The following FGD4 variants were observed in gnomAD, a reference collection of about 807,000 sequenced individuals.
The protein encoded by FGD4 is FYVE, RhoGEF and PH domain-containing protein 4.
FGD4 carries 42 observed loss-of-function variants against 102.0 expected under a neutral mutation model. The ratio of observed to expected loss-of-function variants is 0.41; its 90% CI spans 0.32 to 0.53. FGD4 has a LOEUF of 0.53. Ranked by LOEUF, FGD4 falls within the 20% of genes least tolerant of loss-of-function variation. The pLI is 0.21. For synonymous variants in FGD4, 380 were observed against 375.7 expected (o/e 1.01, Z -0.13); for missense variants, 902 against 1,078.2 (o/e 0.84, Z 2.29).
intron 14 of FGD4, among the ~76,000 whole-genome samples, chr12:32,632,764 C>T (rs1447214498): frequency 2.0e-5 from 3 of 147,086 alleles, no homozygotes; most frequent in Non-Finnish European, 4.5e-5. Flanking sequence ...CTGGAGTGCA[C>T]TAGCACTCCA....
intron 1 of FGD4, among the ~76,000 whole-genome samples, chr12:32,510,085 A>G (rs1295555230): frequency 1.3e-5 from 2 of 152,184 alleles, no homozygotes; most frequent in Non-Finnish European, 2.9e-5. Context: ...CTACATTATC[A>G]ATAGCTTTAA....
At chr12:32,603,877 A>AT (rs1470146829) in intron 7 of FGD4, among the ~76,000 whole-genome samples, 2 of 151,422 alleles carry the variant, frequency 1.3e-5, no homozygotes, top group East Asian at 2.0e-4. Context: ...AAATCTTAGA[A>AT]TTTTTTTATA....
chr12:32,507,086 C>G (rs1224369018), intron 1 of FGD4, among the ~76,000 whole-genome samples: 12 of 121,416 alleles, frequency 9.9e-5, no homozygotes, highest in African/African-American at 3.1e-4. Context: ...CCCCTCCCCC[C>G]ACCCCACAAC....
chr12:32,477,573 A>C (rs1184389525), intron 1 of FGD4: 1 of 152,246 alleles, frequency 6.6e-6, no homozygotes, highest in Non-Finnish European at 1.5e-5. Flanking sequence ...GGTTGTGTCA[A>C]AGTTTGTGTG....
intron 7 of FGD4, among the ~76,000 whole-genome samples, chr12:32,603,542 C>T (rs143306416): frequency 6.6e-6 from 1 of 151,908 alleles, no homozygotes; most frequent in African/African-American, 2.4e-5. Flanking sequence ...CCTGCCACCA[C>T]GCCTGGCTAA....
At chr12:32,523,681 T>C (rs1940783135) in intron 1 of FGD4, among the ~76,000 whole-genome samples, 2 of 152,234 alleles carry the variant, frequency 1.3e-5, no homozygotes, top group African/African-American at 4.8e-5. Context: ...ATTCAGAAAA[T>C]ACATAGCTCT....
At chr12:32,471,743 G>A (rs1384623904) in intron 1 of FGD4, among the ~76,000 whole-genome samples, 5 of 152,102 alleles carry the variant, frequency 3.3e-5, no homozygotes, top group Non-Finnish European at 5.9e-5. Context: ...GCTGGGACCC[G>A]GTGGCTGCTT....
intron 1 of FGD4, among the ~76,000 whole-genome samples, chr12:32,477,961 A>G (rs977684131): frequency 7.2e-5 from 11 of 152,224 alleles, no homozygotes; most frequent in Non-Finnish European, 4.4e-5. Flanking sequence ...TTGCTCAGAC[A>G]GGATAGTAAA....
intron 1 of FGD4, among the ~76,000 whole-genome samples, chr12:32,418,035 C>A (rs1433099404): frequency 6.8e-6 from 1 of 147,416 alleles, no homozygotes; most frequent in Non-Finnish European, 1.5e-5. Flanking sequence ...CGGCTCATTG[C>A]AAGCTCCACC....
intron 1 of FGD4, among the ~76,000 whole-genome samples, chr12:32,545,173 C>T (rs1592168359): frequency 6.6e-6 from 1 of 152,260 alleles, no homozygotes; most frequent in South Asian, 2.1e-4. Flanking sequence ...CTGACACAAT[C>T]GCATGGTAGG....
chr12:32,531,387 A>AACC lies in FGD4; in HGVS notation c.167-32738_167-32736dup, dbSNP rs544097249. Among the ~76,000 whole-genome samples the AACC allele has an allele frequency of 9.8e-5, 15 of 152,300 alleles. No homozygotes were observed. The South Asian group carries it at 2.9e-3, about 29-fold the overall frequency. ...TTTTGACAAATGCACGCAGTCATAT[A>AACC]ACCACCACCACCACAATGAAGATAC... On this transcript the variant is annotated intron_variant, in intron 1 of 16. Transcript: ENST00000534526.
chr12:32,414,283 T>C (rs1431507070), intron 1 of FGD4, among the ~76,000 whole-genome samples: 1 of 152,096 alleles, frequency 6.6e-6, no homozygotes, highest in Non-Finnish European at 1.5e-5. Context: ...ACTTCTTTTT[T>C]TTTTAAAAAA....
intron 1 of FGD4, among the ~76,000 whole-genome samples, chr12:32,453,220 AATATAGATATATATATATTTTT>A (rs1942849309): frequency 3.8e-5 from 2 of 52,788 alleles, no homozygotes; most frequent in East Asian, 1.0e-3. Flanking sequence ...ATATATATAT[AATATAGATATATATATATTTTT>A]TTTTTTTTAA....
chr12:32,529,284 G>A (rs921368827), intron 1 of FGD4, among the ~76,000 whole-genome samples: 2 of 151,748 alleles, frequency 1.3e-5, no homozygotes, highest in African/African-American at 2.4e-5. Flanking sequence ...GCACCACCAC[G>A]CCCAGTTAAT....
chr12:32,462,843 T>C (rs1943144331), intron 1 of FGD4, among the ~76,000 whole-genome samples: 1 of 152,214 alleles, frequency 6.6e-6, no homozygotes, highest in Non-Finnish European at 1.5e-5. Flanking sequence ...ACTTGTGCCA[T>C]TGCCGTAATA....
chr12:32,620,926 G>A (rs866603143), intron 11 of FGD4, among the ~76,000 whole-genome samples: 3 of 150,494 alleles, frequency 2.0e-5, no homozygotes, highest in South Asian at 4.2e-4. Context: ...GCCTCTCAAA[G>A]TGCTGGGATT....
chr12:32,635,033 TTACATTGTGTAAGCGTACAAG>T (rs1426633182), intron 15 of FGD4, among the ~76,000 whole-genome samples: 1 of 152,182 alleles, frequency 6.6e-6, no homozygotes, highest in East Asian at 1.9e-4. Context: ...TATTGAGCAT[TTACATTGTGTAAGCGTACAAG>T]TATACCTGTA....
intron 2 of FGD4, among the ~76,000 whole-genome samples, chr12:32,571,599 A>G (rs1945668719): frequency 6.6e-6 from 1 of 152,250 alleles, no homozygotes; most frequent in Admixed American, 6.5e-5. Flanking sequence ...GTAAAATATT[A>G]TAAAACAAAA....
intron 1 of FGD4, among the ~76,000 whole-genome samples, chr12:32,439,391 G>A (rs753494365): frequency 6.6e-6 from 1 of 152,132 alleles, no homozygotes; most frequent in Admixed American, 6.6e-5. Context: ...CCATATCTTG[G>A]CTATTGTGAA....
Sources: gnomAD v4.1 joint callset for allele counts (sites outside exome capture counted in the v4.1 genomes callset) on GRCh38, gnomAD v4.1.1 for gene constraint, MANE v1.5 for transcripts, NCBI Gene and HGNC (gene_info 2026-07-23, HGNC 2026-07-21) for gene names.